Variants in FOXN3 observed in about 807,000 individuals in gnomAD.
FOXN3 encodes the protein forkhead box N3, also known as forkhead box protein N3.
FOXN3 carries 7 observed loss-of-function variants against 38.4 expected under a neutral mutation model. That is an observed-to-expected ratio of 0.18 (90% CI 0.10 to 0.34). The LOEUF is 0.34. Ranked by LOEUF, FOXN3 falls within the 10% of genes least tolerant of loss-of-function variation. FOXN3 has a pLI of 1.00. For missense variants in FOXN3, 456 were observed against 613.4 expected (o/e 0.74, Z 2.71); for synonymous variants, 230 against 242.2 (o/e 0.95, Z 0.47).
chr14:89,227,156 T>G (rs1884666381), intron 4 of FOXN3, among the ~76,000 whole-genome samples: 1 of 152,078 alleles, frequency 6.6e-6, no homozygotes, highest in Admixed American at 6.5e-5. Context: ...TGAATTAGAC[T>G]CCAAGTAAAA....
chr14:89,614,522 C>T (rs1398714745), intron 1 of FOXN3, among the ~76,000 whole-genome samples: 1 of 152,182 alleles, frequency 6.6e-6, no homozygotes, highest in East Asian at 1.9e-4. Context: ...TCACTATGAG[C>T]ACAAGCAGCC....
intron 4 of FOXN3, among the ~76,000 whole-genome samples, chr14:89,215,199 AT>A (rs11442203): frequency 1.4e-5 from 2 of 145,904 alleles, no homozygotes. Context: ...AAGGAACCCA[AT>A]TTTTTTTTTT....
chr14:89,481,241 A>G (rs1014859394), intron 1 of FOXN3, among the ~76,000 whole-genome samples: 1 of 152,102 alleles, frequency 6.6e-6, no homozygotes, highest in Non-Finnish European at 1.5e-5. Context: ...CTAGATTTCA[A>G]AATAAAATCT....
At chr14:89,433,343 G>A (rs988445678) in intron 1 of FOXN3, among the ~76,000 whole-genome samples, 26 of 152,158 alleles carry the variant, frequency 1.7e-4, no homozygotes, top group Admixed American at 2.0e-4. Context: ...TTAGTTGGGC[G>A]TGGTGGTGCG....
At chr14:89,358,438 T>G (rs7156622) in intron 2 of FOXN3, among the ~76,000 whole-genome samples, 147,332 of 152,260 alleles carry the variant, frequency 0.97, 71,457 homozygotes, top group East Asian at 1. Context: ...AAGACCCCCA[T>G]TGGGGGATAC....
intron 1 of FOXN3, among the ~76,000 whole-genome samples, chr14:89,504,017 T>C (rs1462402349): frequency 2.0e-5 from 3 of 152,208 alleles, no homozygotes; most frequent in Non-Finnish European, 4.4e-5. Context: ...ACTCTCCTCC[T>C]CACCTTGCTC....
chr14:89,571,557 A>C (rs2139895797), intron 1 of FOXN3, among the ~76,000 whole-genome samples: 1 of 152,228 alleles, frequency 6.6e-6, no homozygotes, highest in East Asian at 1.9e-4. Flanking sequence ...AAAAAGAATA[A>C]AAGTTGGTGA....
intron 1 of FOXN3, among the ~76,000 whole-genome samples, chr14:89,575,566 C>T (rs974516151): frequency 5.3e-5 from 8 of 152,130 alleles, no homozygotes; most frequent in African/African-American, 1.9e-4. Flanking sequence ...CAAAGCACAG[C>T]TCCAGAGCAC....
At chr14:89,486,044 A>G (rs1452911019) in intron 1 of FOXN3, among the ~76,000 whole-genome samples, 1 of 152,196 alleles carries the variant, frequency 6.6e-6, no homozygotes, top group East Asian at 1.9e-4. Context: ...TATGCTCAGC[A>G]CCATCTGCCA....
chr14:89,464,038 C>G (rs916229389), intron 1 of FOXN3, among the ~76,000 whole-genome samples: 1 of 151,008 alleles, frequency 6.6e-6, no homozygotes, highest in Non-Finnish European at 1.5e-5. Flanking sequence ...CATGCCTCGA[C>G]CCCCCAAAGT....
intron 1 of FOXN3, among the ~76,000 whole-genome samples, chr14:89,564,260 T>C (rs1374962714): frequency 6.6e-6 from 1 of 152,118 alleles, no homozygotes; most frequent in Non-Finnish European, 1.5e-5. Context: ...TAATCCAAAT[T>C]ATAATTATAG....
chr14:89,238,148 A>G (rs1885034018), intron 4 of FOXN3, among the ~76,000 whole-genome samples: 1 of 152,168 alleles, frequency 6.6e-6, no homozygotes, highest in African/African-American at 2.4e-5. Context: ...TTGTATACTC[A>G]CAGCACCAGA....
At position 89,288,654 on chromosome 14, in the gene FOXN3, GTAATAGGCACTCTCTTTCT is replaced by G. The variant is rs1886719340; in HGVS notation, c.681-7659_681-7641del. ...ATGGAAACGACATACTCCAAAGGCT[GTAATAGGCACTCTCTTTCT>G]CTCTCTCTCTCTCTCTCTCTCTCTC... On this transcript the variant is annotated intron_variant, in intron 3 of 5. Transcript: ENST00000557258. Among the ~76,000 whole-genome samples, 159 of 68,212 alleles carry G rather than the reference GTAATAGGCACTCTCTTTCT, an allele frequency of 2.3e-3. 16 individuals are homozygous for G. The highest frequency in any genetic ancestry group is 5.2e-3 in the East Asian group (8 of 1,534). The allele number at this position is 68,212 out of a possible 152,430, so 44.7% of individuals were successfully genotyped here. A position where few individuals can be genotyped will look rare whatever the true frequency, so the allele number is the denominator to read the frequency against.
At chr14:89,289,781 C>A (rs1414468222) in intron 3 of FOXN3, among the ~76,000 whole-genome samples, 2 of 152,192 alleles carry the variant, frequency 1.3e-5, no homozygotes, top group Non-Finnish European at 2.9e-5. Context: ...AAGAAAAAAA[C>A]TGTACATTTC....
intron 4 of FOXN3, among the ~76,000 whole-genome samples, chr14:89,223,681 G>A (rs993532880): frequency 6.6e-6 from 1 of 152,240 alleles, no homozygotes; most frequent in African/African-American, 2.4e-5. Flanking sequence ...GGTGGGCCGG[G>A]TGCGGCGCTG....
At chr14:89,499,684 A>G (rs1392390576) in intron 1 of FOXN3, among the ~76,000 whole-genome samples, 1 of 152,210 alleles carries the variant, frequency 6.6e-6, no homozygotes, top group Non-Finnish European at 1.5e-5. Flanking sequence ...AACTGGTTTT[A>G]AAGACTCGTT....
chr14:89,610,596 G>A (rs1896369674), intron 1 of FOXN3, among the ~76,000 whole-genome samples: 1 of 152,204 alleles, frequency 6.6e-6, no homozygotes, highest in Admixed American at 6.5e-5. Flanking sequence ...AATATCTCCA[G>A]GAAGGATCTC....
chr14:89,515,086 C>CT (rs200295845), intron 1 of FOXN3, among the ~76,000 whole-genome samples: 74 of 151,906 alleles, frequency 4.9e-4, no homozygotes, highest in Middle Eastern at 3.4e-3. Flanking sequence ...CGTCCAGCTA[C>CT]TTTTTTTTGT....
chr14:89,599,186 G>A (rs1207442554), intron 1 of FOXN3, among the ~76,000 whole-genome samples: 1 of 151,878 alleles, frequency 6.6e-6, no homozygotes, highest in Non-Finnish European at 1.5e-5. Flanking sequence ...CTACTCTATT[G>A]AACCAATTCA....
Sources: allele counts gnomAD v4.1 joint callset (sites outside exome capture counted in the v4.1 genomes callset), GRCh38; gene constraint gnomAD v4.1.1; transcripts MANE v1.5; gene names NCBI Gene and HGNC (gene_info 2026-07-23, HGNC 2026-07-21).